The following ZNF277 variants were observed in gnomAD, a reference collection of about 807,000 sequenced individuals.
ZNF277 encodes zinc finger protein 277.
In ZNF277, 55 loss-of-function variants were observed where a neutral mutation model predicts 60.7. The ratio of observed to expected loss-of-function variants is 0.91; its 90% CI spans 0.73 to 1.13. ZNF277 has a LOEUF of 1.13. Ranked by LOEUF, ZNF277 falls within the 50% of genes most tolerant of loss-of-function variation. The pLI is 0.00. For synonymous variants in ZNF277, 178 were observed against 179.3 expected (o/e 0.99, Z 0.06); for missense variants, 510 against 523.0 (o/e 0.98, Z 0.24).
At chr7:112,248,572 A>G (rs1791135044) in intron 1 of ZNF277, among the ~76,000 whole-genome samples, 1 of 152,182 alleles carries the variant, frequency 6.6e-6, no homozygotes, top group African/African-American at 2.4e-5. Flanking sequence ...AAAAGGGAAG[A>G]AAATTACTCT....
chr7:112,216,335 G>C (rs1313163476), intron 1 of ZNF277, among the ~76,000 whole-genome samples: 15 of 151,996 alleles, frequency 9.9e-5, no homozygotes. Context: ...TTTTAGACAG[G>C]GTCTCACTCT....
chr7:112,228,924 A>G (rs1188320891), intron 1 of ZNF277, among the ~76,000 whole-genome samples: 1 of 152,306 alleles, frequency 6.6e-6, no homozygotes, highest in East Asian at 1.9e-4. Context: ...AAAATAAATA[A>G]TCTTACCTCA....
chr7:112,328,872 AAAAT>A (rs549618003), intron 6 of ZNF277, among the ~76,000 whole-genome samples: 7 of 152,108 alleles, frequency 4.6e-5, no homozygotes, highest in East Asian at 3.9e-4. Flanking sequence ...CTCTGTCTCA[AAAAT>A]AAATAAATAA....
intron 4 of ZNF277, among the ~76,000 whole-genome samples, chr7:112,309,860 G>A (rs907497573): frequency 6.6e-6 from 1 of 151,978 alleles, no homozygotes; most frequent in East Asian, 1.9e-4. Context: ...CTATACTTGT[G>A]ATTACAGTGC....
intron 4 of ZNF277, among the ~76,000 whole-genome samples, chr7:112,296,926 T>TTTTTTTTTTTTTTTTTA: frequency 1.2e-5 from 1 of 82,432 alleles, no homozygotes; most frequent in South Asian, 4.9e-4. Context: ...TTTTTTTTTT[T>TTTTTTTTTTTTTTTTTA]TTTTTTTTTT....
chr7:112,256,527 C>T (rs1221762845), intron 1 of ZNF277, among the ~76,000 whole-genome samples: 3 of 149,552 alleles, frequency 2.0e-5, no homozygotes, highest in African/African-American at 7.4e-5. Context: ...AAGTGGCTCA[C>T]CTCCACCTCC....
At chr7:112,340,849 A>T in intron 10 of ZNF277, 23 bp from the exon 11 acceptor site, 1 of 1,605,426 alleles carries the variant, frequency 6.2e-7, no homozygotes, top group South Asian at 1.1e-5. Flanking sequence ...TTGTCTAATG[A>T]TTCTGTATTT....
At chr7:112,338,874 C>T (rs778255490) in intron 9 of ZNF277, among the ~76,000 whole-genome samples, 15 of 152,194 alleles carry the variant, frequency 9.9e-5, no homozygotes, top group African/African-American at 3.4e-4. Flanking sequence ...GATAACATCA[C>T]GAATTCCTAA....
intron 4 of ZNF277, among the ~76,000 whole-genome samples, chr7:112,298,322 T>C (rs1361380308): frequency 1.3e-5 from 2 of 152,076 alleles, no homozygotes; most frequent in Non-Finnish European, 2.9e-5. Flanking sequence ...ACAGTAATAA[T>C]GCTGTGTCTT....
At chr7:112,331,765 C>A (rs1461168170) in intron 7 of ZNF277, among the ~76,000 whole-genome samples, 1 of 152,170 alleles carries the variant, frequency 6.6e-6, no homozygotes, top group Admixed American at 6.5e-5. Flanking sequence ...GCTTCAGGAC[C>A]CAGCCCAGTC....
chr7:112,332,632 A>G (rs1000719286), intron 7 of ZNF277, among the ~76,000 whole-genome samples: 7 of 152,156 alleles, frequency 4.6e-5, no homozygotes, highest in African/African-American at 1.7e-4. Flanking sequence ...CACAATCTTC[A>G]TCTTCCTAGC....
intron 1 of ZNF277, among the ~76,000 whole-genome samples, chr7:112,280,033 C>A (rs934580606): frequency 6.6e-6 from 1 of 152,070 alleles, no homozygotes; most frequent in Non-Finnish European, 1.5e-5. Context: ...GTGCATAGTT[C>A]AAATTCGTGT....
intron 4 of ZNF277, among the ~76,000 whole-genome samples, chr7:112,307,762 C>T (rs947460920): frequency 1.3e-5 from 2 of 151,858 alleles, no homozygotes; most frequent in Non-Finnish European, 2.9e-5. Flanking sequence ...AACTCCTCCT[C>T]CCCCTGCTTG....
intron 4 of ZNF277, among the ~76,000 whole-genome samples, chr7:112,307,800 T>A (rs910381436): frequency 6.6e-6 from 1 of 151,976 alleles, no homozygotes; most frequent in African/African-American, 2.4e-5. Flanking sequence ...AGTGGTTAAG[T>A]GCTACTTTTG....
intron 5 of ZNF277, among the ~76,000 whole-genome samples, chr7:112,319,906 G>A (rs576879429): frequency 2.0e-5 from 3 of 151,762 alleles, no homozygotes; most frequent in Admixed American, 6.6e-5. Flanking sequence ...AAAAGTACCA[G>A]TGAAAACCCA....
At chr7:112,340,790 A>G (rs1407179432) in intron 10 of ZNF277, 82 bp from the exon 11 acceptor site, 2 of 1,194,934 alleles carry the variant, frequency 1.7e-6, no homozygotes, top group African/African-American at 3.1e-5. Context: ...AATAAAAATA[A>G]GTGGCTCCTT....
chr7:112,279,686 T>C (rs1791896479), intron 1 of ZNF277, among the ~76,000 whole-genome samples: 1 of 152,212 alleles, frequency 6.6e-6, no homozygotes, highest in African/African-American at 2.4e-5. Context: ...AGGAGCCTAC[T>C]GTTGACCAGA....
chr7:112,340,022 ACT>A, intron 10 of ZNF277, 137 bp downstream of exon 10: 1 of 769,670 alleles, frequency 1.3e-6, no homozygotes, highest in Non-Finnish European at 2.1e-6. Context: ...TCTTGACAGA[ACT>A]CTCTGTGAAG....
At chr7:112,210,826 A>G (rs979266931) in intron 1 of ZNF277, among the ~76,000 whole-genome samples, 1 of 152,158 alleles carries the variant, frequency 6.6e-6, no homozygotes, top group Non-Finnish European at 1.5e-5. Flanking sequence ...CAGTAACCAG[A>G]ATTTCAATTT....
Sources: gnomAD v4.1 joint callset for allele counts (sites outside exome capture counted in the v4.1 genomes callset) on GRCh38, gnomAD v4.1.1 for gene constraint, MANE v1.5 for transcripts, NCBI Gene and HGNC (gene_info 2026-07-23, HGNC 2026-07-21) for gene names.